Variants in MGST1 observed in about 807,000 individuals in gnomAD.
The protein encoded by MGST1 is microsomal glutathione S-transferase 1, also known as glutathione S-transferase 12.
Under a neutral mutation model 8.9 loss-of-function variants are expected in MGST1, and 5 were observed. That is an observed-to-expected ratio of 0.56 (90% CI 0.29 to 1.19). MGST1 has a LOEUF of 1.19. Ranked by LOEUF, MGST1 falls within the 50% of genes most tolerant of loss-of-function variation. MGST1 has a pLI of 0.08. For missense variants in MGST1, 182 were observed against 187.4 expected, an observed-to-expected ratio of 0.97 and a Z score of 0.17; for synonymous variants, 54 against 67.8, an observed-to-expected ratio of 0.80 and a Z score of 1.00.
At chr12:16,367,419 A>C (rs1389621819), downstream of MGST1, 3 of 152,200 alleles carry the variant, frequency 2.0e-5, no homozygotes, top group African/African-American at 7.2e-5. Context: ...AAATGCATGG[A>C]AACAGACTTG....
chr12:16,391,224 C>T (rs1016631753), intron 1 of MGST1, among the ~76,000 whole-genome samples: 1 of 151,100 alleles, frequency 6.6e-6, no homozygotes, highest in African/African-American at 2.4e-5. Context: ...ACATGTACCA[C>T]GGTGGTTTGC....
At position 16,517,695 on chromosome 12, in the gene MGST1, T is replaced by A. The variant is rs550428391; in HGVS notation, n.483-71833T>A. Among the ~76,000 whole-genome samples the A allele has an allele frequency of 6.6e-6, 1 of 152,336 alleles. No individual in the cohort carries two copies. The highest frequency in any genetic ancestry group is 2.1e-4 in the South Asian group (1 of 4,826). On this transcript the variant is annotated intron_variant and non_coding_transcript_variant, in intron 4 of 4. Transcript: ENST00000538857. The surrounding 1 kb of genome is among the most constrained non-coding windows in gnomAD (Gnocchi z 4.2). Reference sequence around the variant, plus strand: ...TGCAAGCCAACTTGGCTTGTGCTCATCTAAGCACTGTCCACAGAGAAGAGA... The same window carrying A: ...TGCAAGCCAACTTGGCTTGTGCTCAACTAAGCACTGTCCACAGAGAAGAGA...
At chr12:16,427,835 G>A (rs889427067) in intron 1 of MGST1, among the ~76,000 whole-genome samples, 2 of 151,552 alleles carry the variant, frequency 1.3e-5, no homozygotes, top group Non-Finnish European at 2.9e-5. Flanking sequence ...TTCTTCTTCA[G>A]GGAGTCATAC....
downstream of MGST1, among the ~76,000 whole-genome samples, chr12:16,379,345 T>A (rs957149912): frequency 1.3e-5 from 2 of 152,064 alleles, no homozygotes; most frequent in Non-Finnish European, 2.9e-5. Flanking sequence ...TTACTGAGAG[T>A]TTTTAGCATG....
chr12:16,547,545 A>G lies in MGST1; in HGVS notation n.483-41983A>G, dbSNP rs554801814. Among the ~76,000 whole-genome samples the G allele has an allele frequency of 6.6e-6, 1 of 152,260 alleles. No homozygotes were observed. Among genetic ancestry groups the G allele is most frequent in the South Asian group, 2.1e-4 (1 of 4,826 alleles). On this transcript the variant is annotated intron_variant and non_coding_transcript_variant, in intron 4 of 4. Coordinates refer to the MGST1 transcript ENST00000538857. This position sits in a 1 kb window ranked among gnomAD's most constrained non-coding sequence, Gnocchi z 4.6. ...GCACAAACCAGTGCAAAGACATGTT[A>G]AAGTTATTTGATCTAGGCCAACCCT...
chr12:16,490,126 G>A (rs1338507976), intron 4 of MGST1, among the ~76,000 whole-genome samples: 1 of 152,058 alleles, frequency 6.6e-6, no homozygotes, highest in Non-Finnish European at 1.5e-5. Flanking sequence ...AGCTGGGCAT[G>A]ATAGCATGTG....
chr12:16,511,129 AAATTTTTTTGAC>A lies in MGST1; in HGVS notation n.483-78394_483-78383del, dbSNP rs1941574013. On this transcript the variant is annotated intron_variant and non_coding_transcript_variant, in intron 4 of 4. Transcript: ENST00000538857. ...AATTTTTAAATTGTTTGCATTTTTA[AAATTTTTTTGAC>A]AATTATCACAGCCGAGCTGAAAGTG... 2.6e-5 allele frequency among the ~76,000 whole-genome samples: 4 copies of A among 152,376 alleles called. No homozygotes were observed. The South Asian group carries it at 8.3e-4, about 32-fold the overall frequency.
downstream of MGST1, among the ~76,000 whole-genome samples, chr12:16,441,988 T>C (rs541841161): frequency 3.3e-5 from 5 of 151,968 alleles, no homozygotes; most frequent in South Asian, 1.0e-3. Context: ...GCTGTCAGTA[T>C]TCTGGATTTT....
intron 1 of MGST1, among the ~76,000 whole-genome samples, chr12:16,417,598 A>G (rs538497463): frequency 1.1e-4 from 17 of 152,282 alleles, no homozygotes; most frequent in African/African-American, 3.1e-4. Context: ...AAGTGTTATG[A>G]CTGCTGATTT....
rs1198884642 is a variant in MGST1 at position 16,458,738 on chromosome 12, T to C, written n.482+75134T>C. Among the ~76,000 whole-genome samples, 3 of 152,064 alleles carry C rather than the reference T, an allele frequency of 2.0e-5. No individual in the cohort carries two copies. Among genetic ancestry groups the C allele is most frequent in the Non-Finnish European group, 2.9e-5 (2 of 67,972 alleles). ...TTTTACTGTAAACAGAGGTTTCATATGACTGGAATTGCAGCTTGCCTGCTG... is the reference window on the plus strand; with the variant it reads ...TTTTACTGTAAACAGAGGTTTCATACGACTGGAATTGCAGCTTGCCTGCTG... On this transcript the variant is annotated intron_variant and non_coding_transcript_variant, in intron 4 of 4. Coordinates refer to the MGST1 transcript ENST00000538857. This position sits in a 1 kb window ranked among gnomAD's most constrained non-coding sequence, Gnocchi z 4.0.
At chr12:16,520,762 G>T (rs557175089) in intron 4 of MGST1, among the ~76,000 whole-genome samples, 11 of 152,222 alleles carry the variant, frequency 7.2e-5, no homozygotes, top group Admixed American at 3.3e-4. Flanking sequence ...CTGTGAAAAG[G>T]TTATTTAAGA....
chr12:16,402,045 T>G, intron 1 of MGST1: 1 of 1,582,796 alleles, frequency 6.3e-7, no homozygotes, highest in Non-Finnish European at 8.7e-7. Context: ...CTTGCTTTCT[T>G]TAATGGCTTC....
At position 16,513,705 on chromosome 12, in the gene MGST1, A is replaced by C; in HGVS notation, n.483-75823A>C. 1.8e-6 allele frequency: 1 copy of C among 552,644 alleles called. No homozygotes were observed. The highest frequency in any genetic ancestry group is 3.6e-6 in the Non-Finnish European group (1 of 274,966). The allele number at this position is 552,644 out of a possible 1,614,324, so 34.2% of individuals were successfully genotyped here. On this transcript the variant is annotated intron_variant and non_coding_transcript_variant, in intron 4 of 4. Coordinates refer to the MGST1 transcript ENST00000538857. This position sits in a 1 kb window ranked among gnomAD's most constrained non-coding sequence, Gnocchi z 4.2. ...GGCGGCTGGCTGAATTTTGCAAGGCATCTGCAGAAGTAGCCTTGGGCGAGA... is the reference window on the plus strand; with the variant it reads ...GGCGGCTGGCTGAATTTTGCAAGGCCTCTGCAGAAGTAGCCTTGGGCGAGA...
rs1940002800 is a variant in MGST1 at position 16,361,662 on chromosome 12, T to TG, written c.222-2129dup. On this transcript the variant is annotated intron_variant, in intron 3 of 3. Transcript: ENST00000396210. This position sits in a 1 kb window ranked among gnomAD's most constrained non-coding sequence, Gnocchi z 4.2. The stretch of plus-strand genomic sequence containing the variant: ...TGCAGCAGGTGCTCACAGGGAAAGC[T>TG]GGGGAACTGTTTGCCTGGAACAGAG... 6.6e-6 allele frequency among the ~76,000 whole-genome samples: 1 copy of TG among 152,098 alleles called. No homozygotes were observed. Among genetic ancestry groups the TG allele is most frequent in the Non-Finnish European group, 1.5e-5 (1 of 68,002 alleles).
At chr12:16,400,301 G>A in intron 1 of MGST1, 1 of 793,694 alleles carries the variant, frequency 1.3e-6, no homozygotes, top group Non-Finnish European at 2.3e-6. Context: ...TCACAGAGCT[G>A]GAATGAAGCA....
intron 4 of MGST1, among the ~76,000 whole-genome samples, chr12:16,477,968 G>T (rs1941334720): frequency 6.6e-6 from 1 of 152,120 alleles, no homozygotes; most frequent in African/African-American, 2.4e-5. Context: ...AAACATCTTG[G>T]TCCTTTAAAA....
In MGST1 at chr12:16,585,767, A is replaced by G. The variant is rs1243437827; in HGVS notation, n.483-3761A>G. ...AGAAATTACAAAAGGCTGGAGAATC[A>G]ATTAACATATATACTTCTAAACAAT... is the stretch of plus-strand genomic sequence containing the variant. On this transcript the variant is annotated intron_variant and non_coding_transcript_variant, in intron 4 of 4. Transcript: ENST00000538857. The surrounding 1 kb of genome is among the most constrained non-coding windows in gnomAD (Gnocchi z 4.7). Among the ~76,000 whole-genome samples the G allele has an allele frequency of 6.6e-6, 1 of 152,222 alleles. No homozygotes were observed. The highest frequency in any genetic ancestry group is 2.4e-5 in the African/African-American group (1 of 41,462).
At chr12:16,454,456 T>G (rs989651641) in intron 4 of MGST1, among the ~76,000 whole-genome samples, 2 of 151,878 alleles carry the variant, frequency 1.3e-5, no homozygotes, top group Non-Finnish European at 1.5e-5. Context: ...ACTTATACTA[T>G]TTCAATTTAT....
At chr12:16,348,118 G>T (rs1042538493) in intron 1 of MGST1, among the ~76,000 whole-genome samples, 11 of 152,226 alleles carry the variant, frequency 7.2e-5, no homozygotes, top group African/African-American at 2.7e-4. Context: ...AGCCTGCGAT[G>T]TCTCAGGTTT....
Sources: allele counts gnomAD v4.1 joint callset (sites outside exome capture counted in the v4.1 genomes callset), GRCh38; gene constraint gnomAD v4.1.1; non-coding constraint Gnocchi (gnomAD v3.1); transcripts MANE v1.5; gene names NCBI Gene and HGNC (gene_info 2026-07-23, HGNC 2026-07-21).